The following IL12RB2 variants were observed in gnomAD, a reference collection of about 807,000 sequenced individuals.
IL12RB2 encodes interleukin 12 receptor subunit beta 2, also known as interleukin-12 receptor subunit beta-2.
A neutral mutation model predicts 89.4 loss-of-function variants in IL12RB2; 82 were observed. The observed-to-expected ratio is 0.92, with a 90% confidence interval of 0.77 to 1.10. The LOEUF (loss-of-function observed/expected upper bound fraction) is 1.10. Among genes scored for constraint, IL12RB2 ranks in the 50% least tolerant of loss-of-function variants. The pLI is 0.00. For missense variants in IL12RB2, 963 were observed against 1,031.9 expected, an observed-to-expected ratio of 0.93 and a Z score of 0.92; for synonymous variants, 368 against 370.1, an observed-to-expected ratio of 0.99 and a Z score of 0.07.
intron 9 of IL12RB2, among the ~76,000 whole-genome samples, chr1:67,344,349 G>T (rs1659987523): frequency 6.6e-6 from 1 of 152,162 alleles, no homozygotes; most frequent in South Asian, 2.1e-4. Flanking sequence ...CTGGAGTGCA[G>T]TGGCGTGATC....
intron 9 of IL12RB2, among the ~76,000 whole-genome samples, chr1:67,344,142 T>A (rs1651426877): frequency 6.6e-6 from 1 of 152,070 alleles, no homozygotes; most frequent in African/African-American, 2.4e-5. Flanking sequence ...GAGGGACACC[T>A]CTATGGATTT....
chr1:67,348,465 T>C (rs955796366), intron 9 of IL12RB2, among the ~76,000 whole-genome samples: 20 of 152,236 alleles, frequency 1.3e-4, no homozygotes, highest in Admixed American at 1.1e-3. Flanking sequence ...ATCTGTCCAT[T>C]GAATGGCCTT....
In IL12RB2 at chr1:67,342,733, T is replaced by C. The variant is rs80196162; in HGVS notation, c.1038+4030T>C. The stretch of plus-strand genomic sequence containing the variant: ...CTTGAAAGTACCATTTCCTCAAAAA[T>C]ATCTTGTACTACTTTTTAAAATCAC... On this transcript the variant is annotated intron_variant, in intron 9 of 16. Transcript: ENST00000674203. Among the ~76,000 whole-genome samples, 529 of 151,748 alleles carry C rather than the reference T, an allele frequency of 3.5e-3. 5 individuals are homozygous for C. The highest frequency in any genetic ancestry group is 0.012 in the African/African-American group (479 of 41,360).
At chr1:67,359,026 A>T (rs2100906979) in intron 10 of IL12RB2, among the ~76,000 whole-genome samples, 1 of 152,250 alleles carries the variant, frequency 6.6e-6, no homozygotes, top group South Asian at 2.1e-4. Context: ...CTGTAGTTCC[A>T]GCTACTCAAG....
intron 4 of IL12RB2, 28 bp from the exon 5 acceptor site, chr1:67,326,707 T>C (rs1305569413): frequency 2.5e-6 from 4 of 1,609,456 alleles, no homozygotes; most frequent in Admixed American, 1.7e-5. Flanking sequence ...CTGTGTGATA[T>C]ATAAGGTTTT....
intron 5 of IL12RB2, 139 bp from the exon 6 acceptor site, chr1:67,328,061 G>A: frequency 2.8e-6 from 2 of 711,484 alleles, no homozygotes. Context: ...AATATTCCCG[G>A]GGTGTATCCC....
At chr1:67,370,920 A>C (rs955126528) in intron 11 of IL12RB2, among the ~76,000 whole-genome samples, 1 of 152,248 alleles carries the variant, frequency 6.6e-6, no homozygotes, top group Admixed American at 6.5e-5. Flanking sequence ...CTTCTAATGC[A>C]GCAGTTCCCA....
chr1:67,352,527 A>G (rs531733990), intron 10 of IL12RB2, among the ~76,000 whole-genome samples: 2 of 152,330 alleles, frequency 1.3e-5, no homozygotes, highest in South Asian at 4.1e-4. Flanking sequence ...TCTCACAACA[A>G]CACTTGCATT....
intron 14 of IL12RB2, among the ~76,000 whole-genome samples, chr1:67,383,654 C>T (rs1461610527): frequency 1.3e-5 from 2 of 152,154 alleles, no homozygotes; most frequent in African/African-American, 4.8e-5. Flanking sequence ...CTATAGGCCC[C>T]ATGCAAGTCC....
At chr1:67,346,372 TTGTC>T (rs372295404) in intron 9 of IL12RB2, among the ~76,000 whole-genome samples, 2,478 of 128,022 alleles carry the variant, frequency 0.019, 89 homozygotes, top group African/African-American at 0.065. Flanking sequence ...CAGGTGAGGG[TTGTC>T]TATTTTTTTT....
Position 67,395,539 on chromosome 1 carries a change from T to C in IL12RB2, c.2047-8T>C, listed in dbSNP as rs755686595. 6.2e-7 allele frequency: 1 copy of C among 1,614,190 alleles called. No individual in the cohort carries two copies. Among genetic ancestry groups the C allele is most frequent in the South Asian group, 1.1e-5 (1 of 91,086 alleles). ...CAGTGTGAGCCTCTTCCTCCTCCTT[T>C]CTCTCAGGAGAAGACACAGCTGCCC... is the stretch of plus-strand genomic sequence containing the variant. On this transcript the variant is annotated splice_polypyrimidine_tract_variant and splice_region_variant and intron_variant, in intron 16 of 16. Transcript: ENST00000674203.
chr1:67,388,547 T>C (rs923236523), intron 15 of IL12RB2, among the ~76,000 whole-genome samples: 2 of 152,188 alleles, frequency 1.3e-5, no homozygotes, highest in African/African-American at 2.4e-5. Context: ...GGTTTCACCA[T>C]GTTGGCCAGG....
At chr1:67,394,938 G>A (rs1343786914) in intron 16 of IL12RB2, among the ~76,000 whole-genome samples, 1 of 152,048 alleles carries the variant, frequency 6.6e-6, no homozygotes, top group African/African-American at 2.4e-5. Context: ...AGTGCCCTCT[G>A]TCCTCAAGGA....
At chr1:67,342,087 T>TGG in intron 9 of IL12RB2, among the ~76,000 whole-genome samples, 1 of 152,060 alleles carries the variant, frequency 6.6e-6, no homozygotes, top group Non-Finnish European at 1.5e-5. Context: ...TACAAGGGAG[T>TGG]TATCTAAGTG....
At position 67,319,540 on chromosome 1, in the gene IL12RB2, T is replaced by C. The variant is rs143126250; in HGVS notation, c.-36-793T>C. ...ATGAGCCATTTTTCGATCTACTGATTCCAGAATCACTTGACTGGATCAGAA... is the reference window on the plus strand; with the variant it reads ...ATGAGCCATTTTTCGATCTACTGATCCCAGAATCACTTGACTGGATCAGAA... On this transcript the variant is annotated intron_variant, in intron 2 of 16. Coordinates refer to ENST00000674203, the MANE Select transcript of IL12RB2 (RefSeq NM_001374259.2). 3.1e-4 allele frequency among the ~76,000 whole-genome samples: 47 copies of C among 152,340 alleles called. No homozygotes were observed. In the East Asian group the frequency reaches 7.3e-3, roughly 24 times the overall value.
intron 1 of IL12RB2, among the ~76,000 whole-genome samples, chr1:67,312,037 C>T (rs927065514): frequency 6.6e-6 from 1 of 152,110 alleles, no homozygotes; most frequent in Admixed American, 6.6e-5. Context: ...AAAACCTTTC[C>T]AATACACTAA....
chr1:67,367,255 T>A (rs1662774735), intron 10 of IL12RB2, among the ~76,000 whole-genome samples: 1 of 151,596 alleles, frequency 6.6e-6, no homozygotes, highest in Non-Finnish European at 1.5e-5. Flanking sequence ...ATTAGCTATG[T>A]GTGGTGACAT....
intron 8 of IL12RB2, among the ~76,000 whole-genome samples, chr1:67,336,919 G>A (rs995532189): frequency 2.0e-5 from 3 of 152,212 alleles, no homozygotes; most frequent in Non-Finnish European, 4.4e-5. Context: ...CTCACCATGT[G>A]TCAGCACGCT....
At chr1:67,326,590 G>A in intron 4 of IL12RB2, 145 bp from the exon 5 acceptor site, 3 of 1,338,942 alleles carry the variant, frequency 2.2e-6, no homozygotes, top group Non-Finnish European at 3.1e-6. Context: ...GGCAAACTGG[G>A]ACTTGAATGG....
Sources: gnomAD v4.1 joint callset for allele counts (sites outside exome capture counted in the v4.1 genomes callset) on GRCh38, gnomAD v4.1.1 for gene constraint, MANE v1.5 for transcripts, NCBI Gene and HGNC (gene_info 2026-07-23, HGNC 2026-07-21) for gene names.